Variants in ECPAS observed in about 807,000 individuals in gnomAD.
The protein encoded by ECPAS is Ecm29 proteasome adaptor and scaffold.
In ECPAS, 70 loss-of-function variants were observed where a neutral mutation model predicts 255.1. The ratio of observed to expected loss-of-function variants is 0.27; its 90% CI spans 0.23 to 0.33. The LOEUF (loss-of-function observed/expected upper bound fraction) is 0.33. ECPAS is among the 10% of genes least tolerant of loss of function. The pLI is 1.00. For synonymous variants in ECPAS, 784 were observed against 775.0 expected (o/e 1.01, Z -0.19); for missense variants, 1,817 against 2,206.4 (o/e 0.82, Z 3.54).
At position 111,412,017 on chromosome 9, in the gene ECPAS, A is replaced by C; in HGVS notation, c.2211T>G (p.Asn737Lys). The C allele has an allele frequency of 6.4e-7, 1 of 1,550,706 alleles. No homozygotes were observed. The highest frequency in any genetic ancestry group is 8.6e-7 in the Non-Finnish European group (1 of 1,158,602). ...GAATGAAAACAAAATAACATACGTG[A>C]TTGTCTTTTGTAGTCTTTATAAGCT... Reference protein sequence around the residue: ...IEQLIKTTKDNHSPEIQHGSL... With the variant: ...IEQLIKTTKDKHSPEIQHGSL... Residue 737 changes from asparagine (N) to lysine (K), a missense_variant, in exon 21 of 50, where the codon AAT becomes AAG. Transcript: ENST00000684092.
intron 2 of ECPAS, among the ~76,000 whole-genome samples, chr9:111,456,243 T>G (rs1039351268): frequency 1.3e-5 from 2 of 152,216 alleles, no homozygotes; most frequent in African/African-American, 4.8e-5. Context: ...GAAAATTAAT[T>G]TTGAAGCCTG....
At chr9:111,453,793 A>G (rs1041378406) in intron 2 of ECPAS, among the ~76,000 whole-genome samples, 1 of 152,180 alleles carries the variant, frequency 6.6e-6, no homozygotes, top group African/African-American at 2.4e-5. Flanking sequence ...GGGACATTCT[A>G]TAAGACACCT....
intron 1 of ECPAS, chr9:111,483,446 CCGGCACCGCGCGGCGCCCGTTCCGGCTCG>C (rs2098309939): frequency 1.1e-6 from 1 of 936,158 alleles, no homozygotes. Context: ...CCGCCGGCCC[CCGGCACCGCGCGGCGCCCGTTCCGGCTCG>C]CGGCCGCAGG....
intron 24 of ECPAS, among the ~76,000 whole-genome samples, chr9:111,400,106 C>T (rs899386195): frequency 1.3e-5 from 2 of 152,226 alleles, no homozygotes; most frequent in African/African-American, 2.4e-5. Context: ...AGAAACTTTG[C>T]CTGGGAACCC....
chr9:111,382,260 CTTTTTTT>C (rs35441317), intron 35 of ECPAS, among the ~76,000 whole-genome samples: 2 of 107,716 alleles, frequency 1.9e-5, no homozygotes, highest in South Asian at 3.1e-4. Flanking sequence ...AAAAGTGATA[CTTTTTTT>C]TTTTTTTTTT....
intron 5 of ECPAS, among the ~76,000 whole-genome samples, chr9:111,441,033 T>C (rs1427571157): frequency 6.6e-6 from 1 of 151,812 alleles, no homozygotes; most frequent in Admixed American, 6.6e-5. Flanking sequence ...GCACCTGTAG[T>C]CCTAGCTACT....
chr9:111,464,344 T>C (rs1356869097), intron 2 of ECPAS, among the ~76,000 whole-genome samples: 1 of 149,922 alleles, frequency 6.7e-6, no homozygotes, highest in Non-Finnish European at 1.5e-5. Context: ...CTCGAGAGGC[T>C]GAGGTGGGAG....
In ECPAS at chr9:111,416,302, G is replaced by A. The variant is rs772077211; in HGVS notation, c.1734C>T (p.Val578=). ...TPVKYMTGTT[V]LPFNPAAFGE... ...CAAAGGCTGCTGGGTTAAATGGAAG[G>A]ACAGTGGTCCCGGTCATGTACTTGA... The change falls in exon 18 of 50, where the codon GTC becomes GTT. Residue 578 remains valine, a synonymous_variant. Coordinates refer to ENST00000684092, the MANE Select transcript of ECPAS (RefSeq NM_001364929.1). 1.2e-6 allele frequency: 2 copies of A among 1,613,632 alleles called. No individual in the cohort carries two copies. The highest frequency in any genetic ancestry group is 1.7e-6 in the Non-Finnish European group (2 of 1,179,660).
intron 1 of ECPAS, among the ~76,000 whole-genome samples, chr9:111,476,266 T>C (rs966775043): frequency 6.6e-5 from 10 of 152,178 alleles, no homozygotes; most frequent in African/African-American, 2.2e-4. Context: ...AGGTGAAAAG[T>C]CTCAAATGCT....
intron 37 of ECPAS, 138 bp from the exon 38 acceptor site, chr9:111,375,340 T>G: frequency 3.0e-6 from 2 of 662,664 alleles, no homozygotes; most frequent in Admixed American, 4.4e-5. Flanking sequence ...GCTTCTGCTC[T>G]GATTTCAATA....
intron 24 of ECPAS, among the ~76,000 whole-genome samples, chr9:111,402,050 A>G (rs1359906938): frequency 6.6e-6 from 1 of 152,260 alleles, no homozygotes; most frequent in East Asian, 1.9e-4. Flanking sequence ...GACAGGCATA[A>G]GAAATTATAA....
At chr9:111,372,173 G>C (rs2098128171) in intron 42 of ECPAS, among the ~76,000 whole-genome samples, 1 of 152,182 alleles carries the variant, frequency 6.6e-6, no homozygotes, top group Admixed American at 6.5e-5. Context: ...CTTGCTCACA[G>C]GGTTTATATT....
Position 111,405,062 on chromosome 9 carries a change from C to T in ECPAS, c.2652+3509G>A, listed in dbSNP as rs189201424. Among the ~76,000 whole-genome samples the T allele has an allele frequency of 2.0e-5, 3 of 149,576 alleles. 1 individual carries two copies. The highest frequency in any genetic ancestry group is 5.1e-5 in the African/African-American group (2 of 39,460). On this transcript the variant is annotated intron_variant, in intron 24 of 49. Transcript: ENST00000684092. ...ATCAAAGCAGAACTAGAAAAACAATCCTAAAATTGCTATGAAACCACCAAA... is the reference window on the plus strand; with the variant it reads ...ATCAAAGCAGAACTAGAAAAACAATTCTAAAATTGCTATGAAACCACCAAA...
intron 2 of ECPAS, among the ~76,000 whole-genome samples, chr9:111,470,951 G>A (rs1315402771): frequency 6.6e-6 from 1 of 152,120 alleles, no homozygotes; most frequent in Non-Finnish European, 1.5e-5. Context: ...TTAGAAATCG[G>A]TTTTAGGAGG....
intron 23 of ECPAS, among the ~76,000 whole-genome samples, chr9:111,409,153 G>C (rs541598963): frequency 2.5e-4 from 38 of 152,188 alleles, no homozygotes; most frequent in South Asian, 6.2e-4. Flanking sequence ...CATACTCTCC[G>C]GCACATTAGA....
chr9:111,435,504 A>T (rs1425649517), intron 7 of ECPAS, among the ~76,000 whole-genome samples: 1 of 152,146 alleles, frequency 6.6e-6, no homozygotes, highest in Non-Finnish European at 1.5e-5. Context: ...AAAGCCTGGT[A>T]CTAAAAGTGA....
chr9:111,453,244 C>A (rs1031969662), intron 2 of ECPAS, among the ~76,000 whole-genome samples: 1 of 151,878 alleles, frequency 6.6e-6, no homozygotes, highest in Non-Finnish European at 1.5e-5. Flanking sequence ...AAGACCCTGT[C>A]TCAAAAATAA....
intron 24 of ECPAS, among the ~76,000 whole-genome samples, chr9:111,403,359 A>T (rs570509297): frequency 1.3e-5 from 2 of 149,882 alleles, no homozygotes; most frequent in African/African-American, 5.0e-5. Flanking sequence ...CATCTCCGAA[A>T]GAAAAAAAAA....
Position 111,425,772 on chromosome 9 carries a change from G to C in ECPAS, c.1107C>G (p.Ser369=). 1 of 1,587,860 alleles carries C rather than the reference G, an allele frequency of 6.3e-7. No homozygotes were observed. The highest frequency in any genetic ancestry group is 8.6e-7 in the Non-Finnish European group (1 of 1,159,672). Residue 369 remains serine (S), a synonymous_variant, in exon 11 of 50, where the codon TCC becomes TCG. Transcript: ENST00000684092. ...TACAAATATGATGCACAAATTGCAG[G>C]GATAATGTTCTTAACTTTGAATTTG... ...TNTNSKLRTL[S]LQFVHHICIT...
Sources: allele counts gnomAD v4.1 joint callset (sites outside exome capture counted in the v4.1 genomes callset), GRCh38; gene constraint gnomAD v4.1.1; transcripts MANE v1.5; gene names NCBI Gene and HGNC (gene_info 2026-07-23, HGNC 2026-07-21).